The following MDN1 variants were observed in gnomAD, a reference collection of about 807,000 sequenced individuals.
The protein encoded by MDN1 is midasin.
Under a neutral mutation model 669.2 loss-of-function variants are expected in MDN1, and 266 were observed. The observed-to-expected ratio is 0.40, with a 90% CI of 0.36 to 0.44. The LOEUF (loss-of-function observed/expected upper bound fraction) is 0.44, where lower values mean the gene tolerates loss of function less well. MDN1 is among the 20% of genes least tolerant of loss of function. MDN1 has a pLI of 1.00. For synonymous variants in MDN1, 2,385 were observed against 2,457.1 expected (o/e 0.97, Z 0.87); for missense variants, 5,940 against 6,754.0 (o/e 0.88, Z 4.22).
At chr6:89,785,180 A>AGGCACAATTCAGG in intron 8 of MDN1, 54 bp from the exon 9 acceptor site, 1 of 1,208,730 alleles carries the variant, frequency 8.3e-7, no homozygotes, top group Non-Finnish European at 1.2e-6. Flanking sequence ...TTTAATCCTG[A>AGGCACAATTCAGG]ATTGTGCCTC....
intron 14 of MDN1, among the ~76,000 whole-genome samples, 195 bp downstream of exon 14, chr6:89,772,378 T>G (rs1396400648): frequency 4.6e-5 from 7 of 152,224 alleles, no homozygotes; most frequent in African/African-American, 1.7e-4. Flanking sequence ...CGTATATGTA[T>G]TTGCATAAGC....
At chr6:89,740,909 G>A (rs1816259819) in intron 31 of MDN1, among the ~76,000 whole-genome samples, 1 of 152,166 alleles carries the variant, frequency 6.6e-6, no homozygotes, top group Non-Finnish European at 1.5e-5. Context: ...GCACACAAAG[G>A]ATTCTATTGA....
chr6:89,784,283 T>C (rs917665140), intron 9 of MDN1, among the ~76,000 whole-genome samples: 1 of 151,878 alleles, frequency 6.6e-6, no homozygotes, highest in Non-Finnish European at 1.5e-5. Flanking sequence ...GCCATTGCAC[T>C]CCAGCCTGGG....
intron 80 of MDN1, among the ~76,000 whole-genome samples, 159 bp from the exon 81 acceptor site, chr6:89,672,861 C>A (rs1221601831): frequency 1.3e-5 from 2 of 152,110 alleles, no homozygotes; most frequent in Admixed American, 6.5e-5. Context: ...CCTCGATAAA[C>A]CTACAAGTTT....
At chr6:89,817,557 AC>A (rs1409259969) in intron 1 of MDN1, among the ~76,000 whole-genome samples, 2 of 152,274 alleles carry the variant, frequency 1.3e-5, no homozygotes, top group East Asian at 3.9e-4. Context: ...GTCTTCCAGA[AC>A]AAACAAGTTA....
chr6:89,726,710 G>A (rs1815263354), intron 37 of MDN1, among the ~76,000 whole-genome samples: 1 of 152,308 alleles, frequency 6.6e-6, no homozygotes, highest in Non-Finnish European at 1.5e-5. Context: ...AGAGCTGAAT[G>A]TAGGTCTTCA....
intron 13 of MDN1, among the ~76,000 whole-genome samples, chr6:89,773,934 C>G (rs1436267855): frequency 6.6e-6 from 1 of 151,222 alleles, no homozygotes; most frequent in African/African-American, 2.4e-5. Flanking sequence ...CACTGTACTC[C>G]AGCCTAGGCA....
chr6:89,704,937 G>A (rs1813419400), intron 53 of MDN1, among the ~76,000 whole-genome samples: 1 of 152,158 alleles, frequency 6.6e-6, no homozygotes, highest in African/African-American at 2.4e-5. Flanking sequence ...ATTTTCCATT[G>A]CAAATAACCC....
At chr6:89,755,379 CAAAAA>C (rs143855867) in intron 20 of MDN1, among the ~76,000 whole-genome samples, 7 of 121,228 alleles carry the variant, frequency 5.8e-5, no homozygotes, top group Admixed American at 1.7e-4. Context: ...CTCCTGTATC[CAAAAA>C]AAAAAAAAAA....
Position 89,733,553 on chromosome 6 carries a change from G to A in MDN1, c.4724-778C>T, listed in dbSNP as rs1056113750. On this transcript the variant is annotated intron_variant, in intron 33 of 101. Transcript: ENST00000369393. ...CTATAATATAAAGCAGCCTCCAAAA[G>A]CTATATATATATACAGCCTCCAAAG... is the stretch of plus-strand genomic sequence containing the variant. Among the ~76,000 whole-genome samples the A allele has an allele frequency of 5.3e-5, 8 of 150,900 alleles. No homozygotes were observed. In the East Asian group the frequency reaches 1.2e-3, roughly 22 times the overall value.
At chr6:89,692,081 T>C (rs1047185557) in intron 63 of MDN1, among the ~76,000 whole-genome samples, 2 of 152,186 alleles carry the variant, frequency 1.3e-5, no homozygotes, top group Admixed American at 6.5e-5. Flanking sequence ...TTTAGTATTC[T>C]CTTAATTGCA....
chr6:89,778,969 AAAT>A (rs1562209708), intron 11 of MDN1, among the ~76,000 whole-genome samples: 2 of 149,056 alleles, frequency 1.3e-5, no homozygotes, highest in Non-Finnish European at 3.0e-5. Context: ...GTATGTACTA[AAAT>A]AAGCCAAAGA....
chr6:89,658,766 C>T lies in MDN1; in HGVS notation c.14865G>A (p.Glu4955=). The change falls in exon 89 of 102, where the codon GAG becomes GAA. Residue 4955 remains glutamate (E), a synonymous_variant. Transcript: ENST00000369393. ...PSEDDKAEGE[E]EMDTGADDQD... The stretch of plus-strand genomic sequence containing the variant: ...GGTCATCAGCTCCTGTGTCCATTTC[C>T]TCTTCCCCTTCTGCCTTGTCATCTT... 6.2e-7 allele frequency: 1 copy of T among 1,614,144 alleles called. No homozygotes were observed. The highest frequency in any genetic ancestry group is 8.5e-7 in the Non-Finnish European group (1 of 1,180,034).
chr6:89,701,089 A>G (rs1480605084), intron 55 of MDN1, among the ~76,000 whole-genome samples: 11 of 152,232 alleles, frequency 7.2e-5, no homozygotes, highest in Non-Finnish European at 2.9e-5. Flanking sequence ...GCAAATTACT[A>G]AACAGGATTC....
chr6:89,727,703 T>C (rs1384358493), intron 37 of MDN1, 130 bp downstream of exon 37: 4 of 1,419,578 alleles, frequency 2.8e-6, no homozygotes, highest in Admixed American at 2.0e-5. Context: ...CTACAGAGGA[T>C]CTTTTCATTA....
chr6:89,736,257 AG>A (rs1815964163), intron 33 of MDN1, among the ~76,000 whole-genome samples: 2 of 152,184 alleles, frequency 1.3e-5, no homozygotes, highest in African/African-American at 4.8e-5. Flanking sequence ...GGAGTAAACA[AG>A]CTCCTTAAGG....
chr6:89,790,613 G>C (rs1397168542), intron 5 of MDN1, among the ~76,000 whole-genome samples: 1 of 152,318 alleles, frequency 6.6e-6, no homozygotes, highest in Admixed American at 6.5e-5. Flanking sequence ...GTGCTGAGGT[G>C]GCAGTATCAT....
chr6:89,722,869 G>A, intron 40 of MDN1, 86 bp downstream of exon 40: 1 of 1,061,392 alleles, frequency 9.4e-7, no homozygotes, highest in Non-Finnish European at 1.3e-6. Flanking sequence ...AAAAAAAAAG[G>A]CTTGCAATTA....
At chr6:89,775,897 C>A (rs1236975021) in intron 12 of MDN1, among the ~76,000 whole-genome samples, 1 of 152,008 alleles carries the variant, frequency 6.6e-6, no homozygotes, top group Non-Finnish European at 1.5e-5. Context: ...CAGTGTTGGC[C>A]AGGCTGGTCT....
Sources: gnomAD v4.1 joint callset for allele counts (sites outside exome capture counted in the v4.1 genomes callset) on GRCh38, gnomAD v4.1.1 for gene constraint, MANE v1.5 for transcripts, NCBI Gene and HGNC (gene_info 2026-07-23, HGNC 2026-07-21) for gene names.